The following ULK4 variants were observed in gnomAD, a reference collection of about 807,000 sequenced individuals.
ULK4 encodes unc-51 like kinase 4.
ULK4 carries 133 observed loss-of-function variants against 160.6 expected under a neutral mutation model. That is an observed-to-expected ratio of 0.83 (90% CI 0.72 to 0.96). ULK4 has a LOEUF of 0.96. Ranked by LOEUF, ULK4 falls within the 40% of genes least tolerant of loss-of-function variation. The probability of loss-of-function intolerance (pLI) is 0.00; values close to 1 mark genes in which losing one functional copy is unlikely to be tolerated. For synonymous variants in ULK4, 534 were observed against 539.8 expected (o/e 0.99, Z 0.15); for missense variants, 1,580 against 1,499.5 (o/e 1.05, Z -0.89).
chr3:41,405,535 T>C (rs1291223170), intron 34 of ULK4, among the ~76,000 whole-genome samples: 1 of 152,204 alleles, frequency 6.6e-6, no homozygotes, highest in East Asian at 1.9e-4. Flanking sequence ...TGCTTTAAGT[T>C]GAGAATTCTC....
At chr3:41,795,357 G>A (rs1380177439) in intron 20 of ULK4, among the ~76,000 whole-genome samples, 1 of 152,052 alleles carries the variant, frequency 6.6e-6, no homozygotes, top group South Asian at 2.1e-4. Context: ...GGAATCTTAT[G>A]GCCTATTCCT....
chr3:41,498,606 T>A (rs978214642), intron 32 of ULK4, among the ~76,000 whole-genome samples: 3 of 151,952 alleles, frequency 2.0e-5, no homozygotes, highest in African/African-American at 7.3e-5. Context: ...GTTTTTTGTT[T>A]TGTTTTTGAG....
At chr3:41,396,793 G>A (rs2082070645) in intron 35 of ULK4, among the ~76,000 whole-genome samples, 1 of 152,078 alleles carries the variant, frequency 6.6e-6, no homozygotes, top group South Asian at 2.1e-4. Context: ...CCACACTTGG[G>A]GAACTGAACT....
At chr3:41,716,240 T>TAATAAC (rs1399230249) in intron 23 of ULK4, among the ~76,000 whole-genome samples, 1 of 147,506 alleles carries the variant, frequency 6.8e-6, no homozygotes, top group Non-Finnish European at 1.5e-5. Flanking sequence ...ATAATAATAA[T>TAATAAC]AATAATAATA....
chr3:41,643,545 A>G (rs1364707395), intron 30 of ULK4, among the ~76,000 whole-genome samples: 6 of 152,050 alleles, frequency 3.9e-5, no homozygotes, highest in Admixed American at 2.6e-4. Context: ...TGTTCCATTG[A>G]TCTATATCTC....
intron 31 of ULK4, among the ~76,000 whole-genome samples, chr3:41,591,512 T>C (rs1474189764): frequency 6.7e-6 from 1 of 149,646 alleles, no homozygotes; most frequent in Non-Finnish European, 1.5e-5. Context: ...AAAAAGCCCA[T>C]GCATAAATCT....
intron 5 of ULK4, among the ~76,000 whole-genome samples, chr3:41,924,383 G>T (rs1161760006): frequency 1.3e-5 from 2 of 152,124 alleles, no homozygotes; most frequent in Non-Finnish European, 1.5e-5. Flanking sequence ...AAAAGGTCAG[G>T]GCTGATTCTG....
At chr3:41,775,768 T>C (rs1455062967) in intron 21 of ULK4, among the ~76,000 whole-genome samples, 2 of 150,868 alleles carry the variant, frequency 1.3e-5, no homozygotes, top group Non-Finnish European at 2.9e-5. Flanking sequence ...TACGTTATTA[T>C]ATCGCCCATA....
At chr3:41,882,904 G>C (rs1697576393) in intron 17 of ULK4, among the ~76,000 whole-genome samples, 1 of 152,048 alleles carries the variant, frequency 6.6e-6, no homozygotes, top group African/African-American at 2.4e-5. Flanking sequence ...CAATCTTTCA[G>C]ACAAAAATCT....
chr3:41,618,378 G>C (rs1161850810), intron 30 of ULK4, among the ~76,000 whole-genome samples: 1 of 152,094 alleles, frequency 6.6e-6, no homozygotes, highest in African/African-American at 2.4e-5. Context: ...CAGAGAGAAA[G>C]GTCAGGTTAC....
chr3:41,535,719 C>G (rs1274151814), intron 32 of ULK4, among the ~76,000 whole-genome samples: 3 of 152,106 alleles, frequency 2.0e-5, no homozygotes, highest in South Asian at 4.1e-4. Flanking sequence ...CATCTTTAAC[C>G]AATTTTGGAA....
intron 31 of ULK4, among the ~76,000 whole-genome samples, chr3:41,606,163 C>A (rs1268527162): frequency 6.6e-6 from 1 of 151,688 alleles, no homozygotes; most frequent in African/African-American, 2.4e-5. Flanking sequence ...TCAAGCCAAT[C>A]AACTAAGCTT....
chr3:41,396,626 G>A (rs6800030), intron 35 of ULK4, among the ~76,000 whole-genome samples: 86,137 of 151,938 alleles, frequency 0.57, 25,797 homozygotes, highest in African/African-American at 0.79. Context: ...GATTAGAGGG[G>A]TGTTAAAGAC....
At chr3:41,358,859 G>A (rs2081076541) in intron 35 of ULK4, among the ~76,000 whole-genome samples, 1 of 152,168 alleles carries the variant, frequency 6.6e-6, no homozygotes, top group African/African-American at 2.4e-5. Context: ...ATGAACTGGG[G>A]TGGGGGTGAG....
chr3:41,434,036 T>C (rs1448129778), intron 34 of ULK4, among the ~76,000 whole-genome samples: 1 of 152,202 alleles, frequency 6.6e-6, no homozygotes, highest in African/African-American at 2.4e-5. Context: ...CCAAACTTTT[T>C]GAGTGTCAAT....
chr3:41,782,156 A>ATTTC (rs1553651849), intron 21 of ULK4, among the ~76,000 whole-genome samples: 11 of 143,026 alleles, frequency 7.7e-5, no homozygotes, highest in Non-Finnish European at 1.4e-4. Flanking sequence ...GCGATTCTGA[A>ATTTC]TTTTTTTTTT....
rs2036836752 is a variant in ULK4 at position 41,705,308 on chromosome 3, GA to G, written c.2635-4del. On this transcript the variant is annotated splice_polypyrimidine_tract_variant and splice_region_variant and intron_variant, in intron 25 of 36. Transcript: ENST00000301831. ...GAGTCTACAGATTTAATATGACTCT[GA>G]AAAAAAATAAATTTTTAATAAATAG... The G allele has an allele frequency of 5.6e-6, 9 of 1,600,910 alleles. No individual in the cohort carries two copies. Among genetic ancestry groups the G allele is most frequent in the Admixed American group, 3.4e-5 (2 of 58,474 alleles).
intron 35 of ULK4, among the ~76,000 whole-genome samples, chr3:41,330,658 C>T (rs2080423632): frequency 6.6e-6 from 1 of 152,082 alleles, no homozygotes; most frequent in Admixed American, 6.5e-5. Context: ...ATCCAAAGAA[C>T]CCTTTGTCCC....
chr3:41,830,040 G>T (rs111975441), intron 18 of ULK4, among the ~76,000 whole-genome samples: 2 of 151,176 alleles, frequency 1.3e-5, no homozygotes, highest in Admixed American at 6.6e-5. Context: ...GCAAACTATC[G>T]CAAGGACAAA....
Sources: gnomAD v4.1 joint callset for allele counts (sites outside exome capture counted in the v4.1 genomes callset) on GRCh38, gnomAD v4.1.1 for gene constraint, MANE v1.5 for transcripts, NCBI Gene and HGNC (gene_info 2026-07-23, HGNC 2026-07-21) for gene names.